TRANK1: variants seen among roughly 807,000 people sequenced by gnomAD.
TRANK1 encodes TPR and ankyrin repeat-containing protein 1.
TRANK1 carries 198 observed loss-of-function variants against 266.0 expected under a neutral mutation model. That is an observed-to-expected ratio of 0.74 (90% CI 0.66 to 0.84). The LOEUF is 0.84. Among genes scored for constraint, TRANK1 ranks in the 40% least tolerant of loss-of-function variants. The pLI is 0.00. For missense variants in TRANK1, 3,326 were observed against 3,634.6 expected (o/e 0.92, Z 2.18); for synonymous variants, 1,396 against 1,384.1 (o/e 1.01, Z -0.19).
chr3:36,832,643 GA>G lies in TRANK1; in HGVS notation c.6939del (p.Leu2314CysfsTer18). On this transcript the variant is annotated frameshift_variant, in exon 22 of 24. Transcript: ENST00000645898. LOFTEE classifies it high-confidence loss of function. ...TTGCGTGCGCTTTCATTTTCAAACAGAAAGTGGATGTACTCCTTCAAAGCAA... is the reference window on the plus strand; with the variant it reads ...TTGCGTGCGCTTTCATTTTCAAACAGAAGTGGATGTACTCCTTCAAAGCAA... Reference protein sequence around the residue: ...YRFALKEYIHFLFENESARNR... With the variant: ...YRFALKEYIHXLFENESARNR... The G allele has an allele frequency of 1.9e-6, 3 of 1,614,016 alleles. No individual in the cohort carries two copies. The highest frequency in any genetic ancestry group is 2.5e-6 in the Non-Finnish European group (3 of 1,179,896).
intron 8 of TRANK1, among the ~76,000 whole-genome samples, chr3:36,888,462 A>G (rs2079639023): frequency 6.6e-6 from 1 of 152,240 alleles, no homozygotes. Flanking sequence ...TACACTTTAA[A>G]CAGGTAAATT....
chr3:36,836,360 T>G (rs2078770460), intron 20 of TRANK1, among the ~76,000 whole-genome samples: 1 of 152,170 alleles, frequency 6.6e-6, no homozygotes. Flanking sequence ...AATGAATTCA[T>G]CAATGCAGTC....
intron 21 of TRANK1, chr3:36,834,522 TC>T: frequency 2.2e-6 from 1 of 448,644 alleles, no homozygotes; most frequent in Non-Finnish European, 3.9e-6. Context: ...CATAACATAC[TC>T]CCATCCCCCT....
chr3:36,874,171 TG>T lies in TRANK1; in HGVS notation c.1032del (p.Asn345ThrfsTer4), dbSNP rs975160049. On this transcript the variant is annotated frameshift_variant, in exon 9 of 24. Transcript: ENST00000645898. LOFTEE classifies it high-confidence loss of function. ...RNKNFKAIEKINSHLEKLATC... is the reference protein window; with the variant it reads ...RNKNFKAIEKXNSHLEKLATC... ...GTAGCTAGCTTTTCTAAGTGACTGT[TG>T]ATTTTCTCGATGGCTTTGAAGTTCT... 2.7e-5 allele frequency: 42 copies of T among 1,537,458 alleles called. No homozygotes were observed. The highest frequency in any genetic ancestry group is 3.7e-5 in the Non-Finnish European group (42 of 1,146,980).
At chr3:36,880,895 C>G (rs1490981603) in intron 8 of TRANK1, among the ~76,000 whole-genome samples, 1 of 122,688 alleles carries the variant, frequency 8.2e-6, no homozygotes, top group Non-Finnish European at 1.7e-5. Context: ...CCCCCCTCCC[C>G]CCACCCCACA....
intron 8 of TRANK1, among the ~76,000 whole-genome samples, chr3:36,879,891 T>C (rs1217702070): frequency 1.1e-5 from 1 of 88,036 alleles, no homozygotes; most frequent in East Asian, 4.3e-4. Context: ...TATGTAAACA[T>C]GCAAATATAT....
rs1291696032 is a variant in TRANK1 at position 36,901,662 on chromosome 3, CA to C, written c.282+1486del. The stretch of plus-strand genomic sequence containing the variant: ...ATTTGCAAGGCCTCAGCCACTGAAC[CA>C]AAAGAAGGTAGAGGGAAAATTTTTT... On this transcript the variant is annotated intron_variant, in intron 3 of 23. Coordinates refer to ENST00000645898, the MANE Select transcript of TRANK1 (RefSeq NM_001329998.2). 3.3e-5 allele frequency among the ~76,000 whole-genome samples: 5 copies of C among 152,196 alleles called. No homozygotes were observed. In the East Asian group the frequency reaches 9.6e-4, roughly 29 times the overall value.
At chr3:36,939,738 C>T (rs541768963) in intron 1 of TRANK1, among the ~76,000 whole-genome samples, 1 of 152,272 alleles carries the variant, frequency 6.6e-6, no homozygotes, top group East Asian at 1.9e-4. Flanking sequence ...TCATGAAGCT[C>T]ACATTCCAGT....
chr3:36,851,474 AGAG>A, intron 15 of TRANK1: 1 of 1,240,486 alleles, frequency 8.1e-7, no homozygotes, highest in Non-Finnish European at 1.0e-6. Flanking sequence ...CTTGGGTACT[AGAG>A]AGCCAAAGAA....
In TRANK1 at chr3:36,828,134, G is replaced by C. The variant is rs1289106557; in HGVS notation, c.*141C>G. 3 of 638,894 alleles carry C rather than the reference G, an allele frequency of 4.7e-6. No homozygotes were observed. Among genetic ancestry groups the C allele is most frequent in the African/African-American group, 3.7e-5 (2 of 54,630 alleles). The allele number at this position is 638,894 out of a possible 1,614,324, so 39.6% of individuals were successfully genotyped here. A position where few individuals can be genotyped will look rare whatever the true frequency, so the allele number is the denominator to read the frequency against. The stretch of plus-strand genomic sequence containing the variant: ...TAAGCCACTGAAAGAGAAGTAATGA[G>C]AATAAAAAGCAATGGTGTTGTTAGA... On this transcript the variant is annotated 3_prime_UTR_variant, in exon 24 of 24. Coordinates refer to ENST00000645898, the MANE Select transcript of TRANK1 (RefSeq NM_001329998.2).
intron 1 of TRANK1, among the ~76,000 whole-genome samples, chr3:36,921,545 C>G (rs2080213341): frequency 6.6e-6 from 1 of 152,152 alleles, no homozygotes; most frequent in Non-Finnish European, 1.5e-5. Context: ...TGCTTGTCCC[C>G]TCAAGATTGA....
intron 5 of TRANK1, among the ~76,000 whole-genome samples, chr3:36,894,589 A>G (rs965465753): frequency 6.6e-6 from 1 of 152,170 alleles, no homozygotes; most frequent in Non-Finnish European, 1.5e-5. Flanking sequence ...CAGGGAGCCC[A>G]TGGCTGGACT....
chr3:36,848,129 A>G (rs2078939631), intron 15 of TRANK1, among the ~76,000 whole-genome samples: 1 of 152,164 alleles, frequency 6.6e-6, no homozygotes, highest in Non-Finnish European at 1.5e-5. Flanking sequence ...CAACTACTCA[A>G]TTCTGTCATT....
chr3:36,923,476 G>A (rs937778921), intron 1 of TRANK1, among the ~76,000 whole-genome samples: 2 of 151,820 alleles, frequency 1.3e-5, no homozygotes, highest in Non-Finnish European at 2.9e-5. Flanking sequence ...GGCTGGTCTC[G>A]ATCTCCTGAC....
intron 21 of TRANK1, 58 bp from the exon 22 acceptor site, chr3:36,833,977 C>T (rs1380152053): frequency 2.6e-6 from 4 of 1,510,648 alleles, no homozygotes; most frequent in South Asian, 1.3e-5. Context: ...TAGAAAATTT[C>T]CTCCAAAATA....
chr3:36,938,203 G>T (rs1226846918), intron 1 of TRANK1, among the ~76,000 whole-genome samples: 3 of 151,288 alleles, frequency 2.0e-5, no homozygotes, highest in South Asian at 4.1e-4. Context: ...GGGTTTTTTT[G>T]TTTGTTTGTT....
intron 13 of TRANK1, 129 bp from the exon 14 acceptor site, chr3:36,852,474 C>T (rs17195098): frequency 0.34 from 266,793 of 783,576 alleles, 48,064 homozygotes; most frequent in African/African-American, 0.42. Flanking sequence ...ATTGCAAGCC[C>T]GTTTTCAGTT....
At chr3:36,834,681 G>T in intron 21 of TRANK1, 81 bp downstream of exon 21, 1 of 1,505,522 alleles carries the variant, frequency 6.6e-7, no homozygotes, top group Non-Finnish European at 8.9e-7. Flanking sequence ...GAAGCAGCAG[G>T]ATAGCACCAC....
At chr3:36,851,335 G>A in intron 15 of TRANK1, 6 of 1,003,110 alleles carry the variant, frequency 6.0e-6, no homozygotes, top group Non-Finnish European at 7.1e-6. Flanking sequence ...ACCTTACCCA[G>A]TTCTGTCATC....
Sources: allele counts gnomAD v4.1 joint callset (sites outside exome capture counted in the v4.1 genomes callset), GRCh38; gene constraint gnomAD v4.1.1; transcripts MANE v1.5; gene names NCBI Gene and HGNC (gene_info 2026-07-23, HGNC 2026-07-21).